GABRB1: variants seen among roughly 807,000 people sequenced by gnomAD.
GABRB1 encodes gamma-aminobutyric acid type A receptor subunit beta1.
A neutral mutation model predicts 51.6 loss-of-function variants in GABRB1; 17 were observed. That is an observed-to-expected ratio of 0.33 (90% CI 0.23 to 0.49). The LOEUF (loss-of-function observed/expected upper bound fraction) is 0.49. Among genes scored for constraint, GABRB1 ranks in the 20% least tolerant of loss-of-function variants. The pLI is 0.99. For missense variants in GABRB1, 410 were observed against 600.6 expected, an observed-to-expected ratio of 0.68 and a Z score of 3.32; for synonymous variants, 247 against 218.9, an observed-to-expected ratio of 1.13 and a Z score of -1.14.
At chr4:47,333,035 G>A (rs935168930) in intron 5 of GABRB1, among the ~76,000 whole-genome samples, 1 of 149,646 alleles carries the variant, frequency 6.7e-6, no homozygotes, top group African/African-American at 2.4e-5. Flanking sequence ...TATGTAATAA[G>A]AAGTCAAGTT....
intron 5 of GABRB1, among the ~76,000 whole-genome samples, chr4:47,339,793 G>A (rs1041017688): frequency 6.9e-6 from 1 of 144,244 alleles, no homozygotes; most frequent in Non-Finnish European, 1.5e-5. Flanking sequence ...TGTTGAACAG[G>A]TTGTTTTCAT....
intron 5 of GABRB1, among the ~76,000 whole-genome samples, chr4:47,377,764 T>G (rs191662337): frequency 6.6e-6 from 1 of 151,648 alleles, no homozygotes; most frequent in Non-Finnish European, 1.5e-5. Context: ...AGATACAGAG[T>G]GTCTACACAA....
chr4:47,077,538 C>T (rs528234600), intron 3 of GABRB1, among the ~76,000 whole-genome samples: 1 of 152,042 alleles, frequency 6.6e-6, no homozygotes, highest in South Asian at 2.1e-4. Flanking sequence ...GTACAATCAG[C>T]AAGTTTTCCA....
At chr4:47,092,232 G>C (rs1728336682) in intron 3 of GABRB1, among the ~76,000 whole-genome samples, 1 of 133,962 alleles carries the variant, frequency 7.5e-6, no homozygotes, top group Admixed American at 8.7e-5. Flanking sequence ...GAGTGCAATG[G>C]CATGATCTCG....
chr4:47,273,029 A>G (rs73815426), intron 4 of GABRB1, among the ~76,000 whole-genome samples: 3,372 of 152,270 alleles, frequency 0.022, 143 homozygotes, highest in African/African-American at 0.077. Flanking sequence ...TTAATTATCC[A>G]TAAACCAAGT....
intron 4 of GABRB1, among the ~76,000 whole-genome samples, chr4:47,317,204 G>A (rs1328350439): frequency 6.6e-6 from 1 of 151,854 alleles, no homozygotes; most frequent in Non-Finnish European, 1.5e-5. Flanking sequence ...CAAACTTTTA[G>A]GTCCAGATAT....
In GABRB1 at chr4:47,356,218, C is replaced by A. The variant is rs147437369; in HGVS notation, c.544+36009C>A. On this transcript the variant is annotated intron_variant, in intron 5 of 8. Coordinates refer to ENST00000295454, the MANE Select transcript of GABRB1 (RefSeq NM_000812.4). ...TTTCTCATCGTTATATCCTTGGAGCCAAGCACAGTGCTTCATACAAAGCAG... is the reference window on the plus strand; with the variant it reads ...TTTCTCATCGTTATATCCTTGGAGCAAAGCACAGTGCTTCATACAAAGCAG... Among the ~76,000 whole-genome samples, 245 of 152,278 alleles carry A rather than the reference C, an allele frequency of 1.6e-3. 2 individuals carry two copies. Among genetic ancestry groups the A allele is most frequent in the Middle Eastern group, 0.01 (3 of 294 alleles).
intron 4 of GABRB1, among the ~76,000 whole-genome samples, chr4:47,245,515 G>T (rs1164736774): frequency 1.3e-5 from 2 of 152,120 alleles, no homozygotes; most frequent in African/African-American, 2.4e-5. Context: ...GAAGAAGGGA[G>T]CCAGATGTGT....
intron 5 of GABRB1, among the ~76,000 whole-genome samples, chr4:47,361,155 C>T (rs1016293811): frequency 1.3e-5 from 2 of 151,930 alleles, no homozygotes; most frequent in Non-Finnish European, 2.9e-5. Flanking sequence ...AGTGGTGCAT[C>T]GCATGGTTCT....
intron 4 of GABRB1, among the ~76,000 whole-genome samples, chr4:47,271,166 C>A (rs1163044614): frequency 2.0e-5 from 3 of 152,094 alleles, no homozygotes; most frequent in Non-Finnish European, 4.4e-5. Context: ...TTTATTATCT[C>A]ACAGCCCTGA....
At chr4:47,305,217 T>C (rs1246071119) in intron 4 of GABRB1, among the ~76,000 whole-genome samples, 6 of 152,126 alleles carry the variant, frequency 3.9e-5, no homozygotes, top group Admixed American at 1.3e-4. Flanking sequence ...GTTCCTAAAA[T>C]ATCTAGCTTA....
At chr4:47,413,200 G>A (rs938932766) in intron 8 of GABRB1, among the ~76,000 whole-genome samples, 6 of 152,164 alleles carry the variant, frequency 3.9e-5, no homozygotes, top group African/African-American at 1.4e-4. Flanking sequence ...CAGAAATTCC[G>A]CCGAGGTCTC....
chr4:47,146,354 T>A (rs902028360), intron 3 of GABRB1, among the ~76,000 whole-genome samples: 2 of 152,050 alleles, frequency 1.3e-5, no homozygotes, highest in African/African-American at 4.8e-5. Context: ...TGATAATGCG[T>A]CTTTGTAGAG....
intron 4 of GABRB1, among the ~76,000 whole-genome samples, chr4:47,234,782 T>C (rs1721267697): frequency 6.6e-6 from 1 of 152,208 alleles, no homozygotes; most frequent in Non-Finnish European, 1.5e-5. Context: ...CCTTTTTCTT[T>C]ATGAACATTC....
chr4:47,032,543 T>A, intron 3 of GABRB1, 59 bp downstream of exon 3: 3 of 1,516,474 alleles, frequency 2.0e-6, no homozygotes, highest in Non-Finnish European at 2.7e-6. Flanking sequence ...AATGGACAGG[T>A]CCCTTTGCCC....
chr4:47,240,088 T>G (rs1721468358), intron 4 of GABRB1, among the ~76,000 whole-genome samples: 1 of 152,174 alleles, frequency 6.6e-6, no homozygotes, highest in Admixed American at 6.5e-5. Flanking sequence ...CTGGCCTTGT[T>G]AGGAGTTACC....
chr4:47,030,935 C>T (rs139985472), upstream of GABRB1, among the ~76,000 whole-genome samples: 1 of 152,128 alleles, frequency 6.6e-6, no homozygotes, highest in Non-Finnish European at 1.5e-5. Flanking sequence ...GGATGAAAAA[C>T]GACAAGGGGA....
rs547425448 is a variant in GABRB1 at position 47,284,433 on chromosome 4, A to T, written c.462-35694A>T. 4.6e-5 allele frequency among the ~76,000 whole-genome samples: 7 copies of T among 152,330 alleles called. No individual in the cohort carries two copies. In the East Asian group the frequency reaches 1.3e-3, roughly 29 times the overall value. On this transcript the variant is annotated intron_variant, in intron 4 of 8. Transcript: ENST00000295454. ...AATTTAGTGATGTTTTCGTCTGCACACTTAGTCATTTCCAACAATACTCAA... is the reference window on the plus strand; with the variant it reads ...AATTTAGTGATGTTTTCGTCTGCACTCTTAGTCATTTCCAACAATACTCAA...
At chr4:47,100,774 G>A (rs375627146) in intron 3 of GABRB1, among the ~76,000 whole-genome samples, 3 of 152,080 alleles carry the variant, frequency 2.0e-5, no homozygotes, top group East Asian at 3.9e-4. Context: ...ACTCACCCGT[G>A]AGAGGTCAAC....
Sources: gnomAD v4.1 joint callset for allele counts (sites outside exome capture counted in the v4.1 genomes callset) on GRCh38, gnomAD v4.1.1 for gene constraint, MANE v1.5 for transcripts, NCBI Gene and HGNC (gene_info 2026-07-23, HGNC 2026-07-21) for gene names.